Variants in KDM4C observed in about 807,000 individuals in gnomAD.
The protein encoded by KDM4C is lysine demethylase 4C, also known as lysine-specific demethylase 4C.
KDM4C carries 81 observed loss-of-function variants against 129.3 expected under a neutral mutation model. That is an observed-to-expected ratio of 0.63 (90% CI 0.52 to 0.75). KDM4C has a LOEUF of 0.75. Ranked by LOEUF, KDM4C falls within the 30% of genes least tolerant of loss-of-function variation. The probability of loss-of-function intolerance (pLI) is 0.00; values close to 1 mark genes in which losing one functional copy is unlikely to be tolerated. For missense variants in KDM4C, 1,457 were observed against 1,304.0 expected (o/e 1.12, Z -1.81); for synonymous variants, 573 against 456.1 (o/e 1.26, Z -3.26).
At chr9:6,875,995 A>G (rs945473083) in intron 5 of KDM4C, among the ~76,000 whole-genome samples, 62 of 152,322 alleles carry the variant, frequency 4.1e-4, no homozygotes, top group African/African-American at 1.4e-3. Flanking sequence ...ATGGTGCAGT[A>G]GAGAAAGAGA....
Position 7,144,854 on chromosome 9 carries a change from A to C in KDM4C, c.2781+16618A>C, listed in dbSNP as rs550777613. Among the ~76,000 whole-genome samples the C allele has an allele frequency of 4.6e-5, 7 of 152,396 alleles. No individual in the cohort carries two copies. In the South Asian group the frequency reaches 1.4e-3, roughly 32 times the overall value. ...AGTCAAAGGGAGCTAAGCTATTCTT[A>C]GGTCTCAGCCCAGGAGTGAGCAATC... On this transcript the variant is annotated intron_variant, in intron 19 of 21. Transcript: ENST00000381309.
chr9:6,868,751 G>A (rs956399447), intron 5 of KDM4C, among the ~76,000 whole-genome samples: 1 of 152,060 alleles, frequency 6.6e-6, no homozygotes, highest in African/African-American at 2.4e-5. Context: ...GACTCTCGGT[G>A]TGGAGGGCTG....
chr9:6,951,465 A>G (rs1203343580), intron 8 of KDM4C, among the ~76,000 whole-genome samples: 2 of 152,200 alleles, frequency 1.3e-5, no homozygotes, highest in Admixed American at 1.3e-4. Flanking sequence ...GATTATGGGC[A>G]CCACTAGTTG....
chr9:6,939,531 GT>G (rs1825454081), intron 8 of KDM4C, among the ~76,000 whole-genome samples: 1 of 152,120 alleles, frequency 6.6e-6, no homozygotes, highest in South Asian at 2.1e-4. Context: ...TCAGTCCCTG[GT>G]GCCAGAAAGA....
At chr9:6,989,414 G>A (rs117279784) in intron 11 of KDM4C, among the ~76,000 whole-genome samples, 2,062 of 152,122 alleles carry the variant, frequency 0.014, 15 homozygotes, top group Non-Finnish European at 0.021. Context: ...TGCGTTGTGC[G>A]AGCAAGAGAG....
At chr9:7,093,979 G>A (rs979194775) in intron 17 of KDM4C, among the ~76,000 whole-genome samples, 9 of 152,132 alleles carry the variant, frequency 5.9e-5, no homozygotes, top group Non-Finnish European at 1.2e-4. Flanking sequence ...TGAAGGATAA[G>A]GGTAGCATTA....
At chr9:7,081,072 C>T (rs1834467984) in intron 17 of KDM4C, among the ~76,000 whole-genome samples, 1 of 152,206 alleles carries the variant, frequency 6.6e-6, no homozygotes, top group Non-Finnish European at 1.5e-5. Context: ...AAATTACCCT[C>T]TTAAAATATT....
chr9:6,802,327 A>G (rs1408663006), intron 2 of KDM4C, among the ~76,000 whole-genome samples: 1 of 152,168 alleles, frequency 6.6e-6, no homozygotes, highest in Non-Finnish European at 1.5e-5. Flanking sequence ...TGGTACAACC[A>G]CTTTGCAACA....
At chr9:6,929,274 A>G (rs1823212546) in intron 8 of KDM4C, among the ~76,000 whole-genome samples, 1 of 152,246 alleles carries the variant, frequency 6.6e-6, no homozygotes, top group Middle Eastern at 3.4e-3. Context: ...TTGTTCAATA[A>G]ATCTTGAAGG....
intron 17 of KDM4C, among the ~76,000 whole-genome samples, chr9:7,064,908 A>G (rs1215976598): frequency 6.6e-6 from 1 of 152,176 alleles, no homozygotes; most frequent in Non-Finnish European, 1.5e-5. Context: ...CCCCTTTTGA[A>G]GTATAATAAT....
intron 12 of KDM4C, among the ~76,000 whole-genome samples, chr9:7,010,218 T>A (rs140779331): frequency 3.9e-4 from 60 of 152,330 alleles, no homozygotes; most frequent in African/African-American, 1.2e-3. Flanking sequence ...GTCAGATTAC[T>A]TCATTGCAAA....
chr9:6,865,443 C>T (rs1400761867), intron 5 of KDM4C, among the ~76,000 whole-genome samples: 2 of 152,196 alleles, frequency 1.3e-5, no homozygotes. Flanking sequence ...GCCAGTCAGT[C>T]ACAGGTTTCT....
intron 6 of KDM4C, among the ~76,000 whole-genome samples, chr9:6,885,510 A>T (rs987580002): frequency 6.6e-6 from 1 of 152,092 alleles, no homozygotes; most frequent in Non-Finnish European, 1.5e-5. Flanking sequence ...CTGGAATACA[A>T]GCTTTTTATT....
At chr9:6,796,277 T>C (rs1827741847) in intron 2 of KDM4C, among the ~76,000 whole-genome samples, 1 of 152,142 alleles carries the variant, frequency 6.6e-6, no homozygotes, top group African/African-American at 2.4e-5. Flanking sequence ...AAACCCCATC[T>C]CTACCAAAAA....
chr9:7,002,148 C>T (rs1244709337), intron 12 of KDM4C, among the ~76,000 whole-genome samples: 1 of 152,218 alleles, frequency 6.6e-6, no homozygotes, highest in African/African-American at 2.4e-5. Flanking sequence ...CTGCCTTGGC[C>T]TCCCAAAATG....
chr9:6,810,876 A>T (rs910047330), intron 3 of KDM4C, among the ~76,000 whole-genome samples: 5 of 151,978 alleles, frequency 3.3e-5, no homozygotes, highest in African/African-American at 4.8e-5. Flanking sequence ...TGTCTCCAAA[A>T]AAATAAATAA....
chr9:6,809,633 T>C (rs1428495731), intron 3 of KDM4C, among the ~76,000 whole-genome samples: 12 of 152,248 alleles, frequency 7.9e-5, no homozygotes, highest in Non-Finnish European at 1.6e-4. Context: ...TTGTAGGCAC[T>C]ATTGAGATGG....
chr9:7,170,581 A>G (rs971605128), intron 21 of KDM4C: 1 of 950,174 alleles, frequency 1.1e-6, no homozygotes, highest in African/African-American at 1.8e-5. Flanking sequence ...TGTATCATAA[A>G]ATATTCAGTG....
At chr9:7,020,243 C>G (rs1824547923) in intron 15 of KDM4C, among the ~76,000 whole-genome samples, 1 of 152,098 alleles carries the variant, frequency 6.6e-6, no homozygotes, top group East Asian at 1.9e-4. Flanking sequence ...GGCCCTATGC[C>G]CAACTTCAAC....
Sources: gnomAD v4.1 joint callset for allele counts (sites outside exome capture counted in the v4.1 genomes callset) on GRCh38, gnomAD v4.1.1 for gene constraint, MANE v1.5 for transcripts, NCBI Gene and HGNC (gene_info 2026-07-23, HGNC 2026-07-21) for gene names.